PTK2: variants seen among roughly 807,000 people sequenced by gnomAD.
The protein encoded by PTK2 is protein tyrosine kinase 2, also known as focal adhesion kinase 1.
PTK2 carries 45 observed loss-of-function variants against 150.1 expected under a neutral mutation model. The ratio of observed to expected loss-of-function variants is 0.30; its 90% CI spans 0.24 to 0.38. The LOEUF is 0.38. Among genes scored for constraint, PTK2 ranks in the 10% least tolerant of loss-of-function variants. PTK2 has a pLI of 1.00. For missense variants in PTK2, 919 were observed against 1,307.3 expected (o/e 0.70, Z 4.58); for synonymous variants, 432 against 449.2 (o/e 0.96, Z 0.48).
intron 1 of PTK2, among the ~76,000 whole-genome samples, chr8:140,950,828 T>C (rs958011043): frequency 6.6e-6 from 1 of 152,128 alleles, no homozygotes; most frequent in African/African-American, 2.4e-5. Flanking sequence ...TGAGAGGACA[T>C]ACATAGGTTA....
At chr8:140,946,239 C>A (rs1313719919) in intron 1 of PTK2, among the ~76,000 whole-genome samples, 2 of 152,162 alleles carry the variant, frequency 1.3e-5, no homozygotes, top group Admixed American at 1.3e-4. Context: ...CTGCAATTTT[C>A]AGTCCAAGAA....
At chr8:140,851,692 C>G (rs959902920) in intron 5 of PTK2, among the ~76,000 whole-genome samples, 1 of 152,052 alleles carries the variant, frequency 6.6e-6, no homozygotes, top group Non-Finnish European at 1.5e-5. Flanking sequence ...AAACATCTCT[C>G]TACTATAAAT....
At chr8:140,662,809 A>G (rs760361991) in intron 31 of PTK2, 2 of 519,724 alleles carry the variant, frequency 3.8e-6, no homozygotes, top group Non-Finnish European at 7.3e-6. Flanking sequence ...CAAAATCTCA[A>G]TCTCATCAGG....
intron 11 of PTK2, 116 bp downstream of exon 11, chr8:140,803,427 A>G: frequency 2.5e-6 from 2 of 787,036 alleles, no homozygotes; most frequent in Non-Finnish European, 4.3e-6. Flanking sequence ...TATATATAAG[A>G]AAGTTGTGAT....
intron 8 of PTK2, among the ~76,000 whole-genome samples, chr8:140,829,876 C>A (rs1288798670): frequency 6.6e-6 from 1 of 152,148 alleles, no homozygotes; most frequent in Non-Finnish European, 1.5e-5. Flanking sequence ...GTATCCCCTG[C>A]TGCGCTTGAA....
At chr8:140,732,904 G>A (rs1256931547) in intron 22 of PTK2, among the ~76,000 whole-genome samples, 2 of 152,084 alleles carry the variant, frequency 1.3e-5, no homozygotes, top group African/African-American at 4.8e-5. Context: ...GAAGAAGGAG[G>A]CATTCTGGGC....
In PTK2 at chr8:140,777,710, C is replaced by T. The variant is rs144331707; in HGVS notation, c.1177+11764G>A. Among the ~76,000 whole-genome samples the T allele has an allele frequency of 3.8e-3, 576 of 152,280 alleles. 1 individual carries two copies. Among genetic ancestry groups the T allele is most frequent in the Middle Eastern group, 0.037 (11 of 294 alleles). On this transcript the variant is annotated intron_variant, in intron 14 of 31. Coordinates refer to ENST00000522684, the Ensembl canonical transcript of PTK2. ...AGGAAGTAGGGGGCAGCTCTTGTCC[C>T]GCTCAAGCAGCTTGAGGCCACCAAT...
intron 2 of PTK2, among the ~76,000 whole-genome samples, chr8:140,922,409 T>C (rs981076136): frequency 1.3e-5 from 2 of 151,520 alleles, no homozygotes; most frequent in Non-Finnish European, 2.9e-5. Flanking sequence ...CTAGATCAAC[T>C]AGAATACATG....
chr8:140,937,412 A>C (rs1221807220), intron 1 of PTK2, among the ~76,000 whole-genome samples: 2 of 152,064 alleles, frequency 1.3e-5, no homozygotes, highest in Non-Finnish European at 2.9e-5. Context: ...GAGAGAATGA[A>C]AGTTTATTTT....
At chr8:140,752,831 AG>A (rs1328826024) in intron 16 of PTK2, among the ~76,000 whole-genome samples, 1 of 152,186 alleles carries the variant, frequency 6.6e-6, no homozygotes, top group Non-Finnish European at 1.5e-5. Flanking sequence ...GAGGGAGGAG[AG>A]GGAGCTGGCT....
At chr8:140,936,567 A>T (rs1462934008) in intron 1 of PTK2, among the ~76,000 whole-genome samples, 1 of 143,488 alleles carries the variant, frequency 7.0e-6, no homozygotes, top group African/African-American at 2.5e-5. Flanking sequence ...TAGTTGCCCT[A>T]AAAAAAAAAA....
intron 1 of PTK2, among the ~76,000 whole-genome samples, chr8:140,998,394 CCTCT>C (rs1303581472): frequency 6.6e-6 from 1 of 152,034 alleles, no homozygotes; most frequent in Non-Finnish European, 1.5e-5. Flanking sequence ...TAAGATCCTA[CCTCT>C]CTAACTCAAA....
chr8:140,882,265 A>G (rs2100149586), intron 3 of PTK2, among the ~76,000 whole-genome samples: 1 of 152,228 alleles, frequency 6.6e-6, no homozygotes, highest in South Asian at 2.1e-4. Context: ...TCAACAAATA[A>G]TTCTGAGAAC....
chr8:140,847,688 C>T (rs2100126442), intron 5 of PTK2, among the ~76,000 whole-genome samples: 1 of 152,148 alleles, frequency 6.6e-6, no homozygotes, highest in African/African-American at 2.4e-5. Flanking sequence ...CTTTCTTGTT[C>T]TGTACTTTCA....
At chr8:140,918,203 G>C (rs1429684644) in intron 2 of PTK2, among the ~76,000 whole-genome samples, 2 of 152,152 alleles carry the variant, frequency 1.3e-5, no homozygotes. Context: ...AGAGTTCGGG[G>C]TGTTTGAGGC....
chr8:140,988,544 A>G (rs1440871827), intron 1 of PTK2, among the ~76,000 whole-genome samples: 1 of 152,114 alleles, frequency 6.6e-6, no homozygotes, highest in Non-Finnish European at 1.5e-5. Context: ...CCTGGCTAAC[A>G]CAGTAAAACT....
chr8:140,829,528 C>T (rs1429862772), intron 8 of PTK2, among the ~76,000 whole-genome samples: 2 of 152,106 alleles, frequency 1.3e-5, no homozygotes, highest in Non-Finnish European at 2.9e-5. Context: ...ATTTTATCCC[C>T]ATTTTACGGA....
chr8:140,732,304 C>A (rs2100049909), intron 22 of PTK2, among the ~76,000 whole-genome samples: 1 of 152,088 alleles, frequency 6.6e-6, no homozygotes, highest in South Asian at 2.1e-4. Flanking sequence ...CAGAACAATG[C>A]AGAATGAATG....
chr8:140,732,510 A>C, intron 22 of PTK2: 1 of 519,692 alleles, frequency 1.9e-6, no homozygotes, highest in Non-Finnish European at 3.9e-6. Flanking sequence ...TGCCTGGGTG[A>C]CTCTTCCTGT....
Sources: allele counts gnomAD v4.1 joint callset (sites outside exome capture counted in the v4.1 genomes callset), GRCh38; gene constraint gnomAD v4.1.1; transcripts MANE v1.5; gene names NCBI Gene and HGNC (gene_info 2026-07-23, HGNC 2026-07-21).